Variants in TTC3 observed in about 807,000 individuals in gnomAD.
TTC3 encodes the protein tetratricopeptide repeat domain 3.
A neutral mutation model predicts 249.6 loss-of-function variants in TTC3; 180 were observed. The ratio of observed to expected loss-of-function variants is 0.72; its 90% CI spans 0.64 to 0.82. TTC3 has a LOEUF of 0.82. TTC3 is among the 40% of genes least tolerant of loss of function. The pLI is 0.00. For missense variants in TTC3, 2,061 were observed against 2,398.4 expected, an observed-to-expected ratio of 0.86 and a Z score of 2.94; for synonymous variants, 717 against 805.0, an observed-to-expected ratio of 0.89 and a Z score of 1.85.
chr21:37,157,337 C>A, intron 28 of TTC3: 1 of 469,712 alleles, frequency 2.1e-6, no homozygotes, highest in Non-Finnish European at 3.5e-6. Flanking sequence ...AACTGGGGGT[C>A]AGGAAAAGTA....
At chr21:37,108,947 A>G (rs1013032463) in intron 11 of TTC3, among the ~76,000 whole-genome samples, 1 of 152,238 alleles carries the variant, frequency 6.6e-6, no homozygotes, top group African/African-American at 2.4e-5. Context: ...GGTAGGATTT[A>G]CAGCTGGAAT....
At chr21:37,127,075 G>A (rs761804207) in intron 15 of TTC3, among the ~76,000 whole-genome samples, 5 of 152,122 alleles carry the variant, frequency 3.3e-5, no homozygotes, top group South Asian at 2.1e-4. Flanking sequence ...GGCTGGTCTC[G>A]AAATCTTGGC....
At chr21:37,195,744 G>A (rs747397560) in exon 42 of TTC3, 12 of 1,614,022 alleles carry the variant, frequency 7.4e-6, no homozygotes, top group Middle Eastern at 1.6e-4. Flanking sequence ...TGCAAGCGAC[G>A]TGACTGGAAA....
In TTC3 at chr21:37,086,996, G is replaced by A. The variant is rs2072578348; in HGVS notation, c.-11-251G>A. On this transcript the variant is annotated intron_variant, in intron 1 of 45. Coordinates refer to ENST00000355666, the Ensembl canonical transcript of TTC3. ...TCTATTTAAAGGAGACATGTAAACA[G>A]GTTAACTTAGAGTAGAGATGGTGAA... 8.8e-6 allele frequency: 4 copies of A among 452,560 alleles called. No homozygotes were observed. The East Asian group carries it at 1.5e-4, about 18-fold the overall frequency. The allele number at this position is 452,560 out of a possible 1,614,324, so 28.0% of individuals were successfully genotyped here.
At chr21:37,122,679 A>G (rs1300443978) in intron 12 of TTC3, among the ~76,000 whole-genome samples, 3 of 152,014 alleles carry the variant, frequency 2.0e-5, no homozygotes, top group South Asian at 2.1e-4. Context: ...CCATCATAAC[A>G]TGATTATGTA....
intron 11 of TTC3, among the ~76,000 whole-genome samples, chr21:37,118,138 A>G (rs771102815): frequency 2.0e-5 from 3 of 151,990 alleles, no homozygotes; most frequent in Non-Finnish European, 4.4e-5. Context: ...TTTTAAAACC[A>G]GAAAAGAATG....
intron 34 of TTC3, among the ~76,000 whole-genome samples, chr21:37,170,511 T>C (rs1275190621): frequency 2.0e-5 from 3 of 152,176 alleles, no homozygotes; most frequent in African/African-American, 7.2e-5. Context: ...CAAGGGGATT[T>C]GTATGTTTGT....
intron 28 of TTC3, among the ~76,000 whole-genome samples, chr21:37,159,145 G>C (rs2080429158): frequency 6.6e-6 from 1 of 152,126 alleles, no homozygotes; most frequent in Admixed American, 6.6e-5. Flanking sequence ...GCCCAAACCT[G>C]CCTTGTGCTT....
chr21:37,172,699 C>T, exon 35 of TTC3: 1 of 1,613,902 alleles, frequency 6.2e-7, no homozygotes, highest in Non-Finnish European at 8.5e-7. Flanking sequence ...TAGAAGAGAC[C>T]AGGGACCTGG....
intron 10 of TTC3, among the ~76,000 whole-genome samples, chr21:37,103,659 G>T (rs1430542938): frequency 6.6e-6 from 1 of 152,136 alleles, no homozygotes; most frequent in Non-Finnish European, 1.5e-5. Flanking sequence ...GTAATGTTCA[G>T]CATTGATTCA....
intron 11 of TTC3, among the ~76,000 whole-genome samples, chr21:37,119,180 T>G (rs1434264662): frequency 1.3e-5 from 2 of 152,354 alleles, no homozygotes; most frequent in East Asian, 3.9e-4. Context: ...GCAGTAAAGT[T>G]ACTTAGAAAC....
chr21:37,182,556 G>A (rs1288193174), intron 35 of TTC3, among the ~76,000 whole-genome samples: 2 of 152,166 alleles, frequency 1.3e-5, no homozygotes, highest in African/African-American at 2.4e-5. Flanking sequence ...ACTGTAATCA[G>A]GTACACGTAG....
At chr21:37,159,859 T>A in intron 29 of TTC3, 114 bp downstream of exon 29, 1 of 973,016 alleles carries the variant, frequency 1.0e-6, no homozygotes, top group East Asian at 2.4e-5. Flanking sequence ...AAGAACCACA[T>A]TAAAAGGACG....
chr21:37,137,196 A>G (rs2078025152), intron 18 of TTC3, among the ~76,000 whole-genome samples: 1 of 152,210 alleles, frequency 6.6e-6, no homozygotes, highest in Non-Finnish European at 1.5e-5. Flanking sequence ...TCTGTAGCCT[A>G]TGGATCAAGG....
At chr21:37,117,782 A>C (rs1054634175) in intron 11 of TTC3, among the ~76,000 whole-genome samples, 1 of 149,946 alleles carries the variant, frequency 6.7e-6, no homozygotes, top group Admixed American at 6.7e-5. Flanking sequence ...AGGTGGGATA[A>C]TCACCTGAGC....
Position 37,091,950 on chromosome 21 carries a change from C to T in TTC3, c.601+537C>T, listed in dbSNP as rs539982795. ...TCTTAATTATTTTTATGACATTGTACTTTAAAAATTTTCACTGAATGGATA... is the reference window on the plus strand; with the variant it reads ...TCTTAATTATTTTTATGACATTGTATTTTAAAAATTTTCACTGAATGGATA... On this transcript the variant is annotated intron_variant, in intron 7 of 45. Transcript: ENST00000355666. Among the ~76,000 whole-genome samples the T allele has an allele frequency of 1.5e-3, 223 of 152,252 alleles. 2 individuals are homozygous for T. Among genetic ancestry groups the T allele is most frequent in the African/African-American group, 4.9e-3 (204 of 41,554 alleles).
chr21:37,198,014 CCTGTGAGGATTGT>C lies in TTC3; in HGVS notation c.5840_5850+2del. 2 of 1,609,460 alleles carry C rather than the reference CCTGTGAGGATTGT, an allele frequency of 1.2e-6. No individual in the cohort carries two copies. The highest frequency in any genetic ancestry group is 1.7e-4 in the Middle Eastern group (1 of 5,998). Reference sequence around the variant, plus strand: ...CAAGGGGCAGAAAGCAGAAGATGTCCCTGTGAGGATTGTATGTATAACTGTATAGTTTTGTTTT... The same window carrying C: ...CAAGGGGCAGAAAGCAGAAGATGTCCATGTATAACTGTATAGTTTTGTTTT... On this transcript the variant is annotated splice_donor_variant and coding_sequence_variant, in exon 44 of 46. Coordinates refer to ENST00000355666, the Ensembl canonical transcript of TTC3. LOFTEE classifies it high-confidence loss of function.
rs755364518 is a variant in TTC3 at position 37,153,211 on chromosome 21, GT to G, written c.2678del (p.Leu893Ter). On this transcript the variant is annotated frameshift_variant, in exon 27 of 46. Transcript: ENST00000355666. LOFTEE classifies it high-confidence loss of function. ...AGTAAAGACAAGAATATTTCTGCAT[GT>G]TTTGAGTGAGCTTAAAGAAGTGGAG... 1.2e-6 allele frequency: 2 copies of G among 1,614,144 alleles called. No homozygotes were observed. The highest frequency in any genetic ancestry group is 2.2e-5 in the South Asian group (2 of 91,070).
chr21:37,094,115 T>A (rs762600451), intron 8 of TTC3, 25 bp downstream of exon 8: 307 of 1,413,956 alleles, frequency 2.2e-4, no homozygotes, highest in Non-Finnish European at 2.7e-4. Context: ...TATAAATATA[T>A]TTTAAGATTT....
Sources: gnomAD v4.1 joint callset for allele counts (sites outside exome capture counted in the v4.1 genomes callset) on GRCh38, gnomAD v4.1.1 for gene constraint, MANE v1.5 for transcripts, NCBI Gene and HGNC (gene_info 2026-07-23, HGNC 2026-07-21) for gene names.